The following CNKSR3 variants were observed in gnomAD, a reference collection of about 807,000 sequenced individuals.
CNKSR3 encodes connector enhancer of kinase suppressor of ras 3.
CNKSR3 carries 36 observed loss-of-function variants against 67.7 expected under a neutral mutation model. The observed-to-expected ratio is 0.53, with a 90% CI of 0.41 to 0.70. The LOEUF (loss-of-function observed/expected upper bound fraction) is 0.70. Ranked by LOEUF, CNKSR3 falls within the 30% of genes least tolerant of loss-of-function variation. The pLI is 0.00. For synonymous variants in CNKSR3, 281 were observed against 271.4 expected (o/e 1.04, Z -0.35); for missense variants, 630 against 695.2 (o/e 0.91, Z 1.05).
rs1784603628 is a variant in CNKSR3 at position 154,391,263 on chromosome 6, TCA to T, written c.*15089_*15090del. 1 of 152,234 alleles carries T rather than the reference TCA, an allele frequency of 6.6e-6. No individual in the cohort carries two copies. Among genetic ancestry groups the T allele is most frequent in the South Asian group, 2.1e-4 (1 of 4,814 alleles). The allele number at this position is 152,234 out of a possible 1,614,324, so 9.4% of individuals were successfully genotyped here. A position where few individuals can be genotyped will look rare whatever the true frequency, so the allele number is the denominator to read the frequency against. ...TTTTTTCTTTTTTTGAGACGGGGTC[TCA>T]CTCTGTCACCCAGGCTGGAGTGCAG... On this transcript the variant is annotated 3_prime_UTR_variant, in exon 13 of 13. Transcript: ENST00000607772.
At chr6:154,454,130 G>C (rs1418776997) in intron 1 of CNKSR3, among the ~76,000 whole-genome samples, 98,170 of 142,948 alleles carry the variant, frequency 0.69, 34,343 homozygotes, top group East Asian at 0.87. Context: ...GAGAGAGAGA[G>C]AGAGAGAGAG....
intron 1 of CNKSR3, among the ~76,000 whole-genome samples, chr6:154,471,369 C>G (rs989836909): frequency 6.6e-6 from 1 of 152,138 alleles, no homozygotes; most frequent in African/African-American, 2.4e-5. Context: ...GAAACCCCAT[C>G]TCTACTAAAA....
Position 154,442,279 on chromosome 6 carries a change from G to C in CNKSR3, c.228C>G (p.Leu76=). 1 of 1,613,250 alleles carries C rather than the reference G, an allele frequency of 6.2e-7. No individual in the cohort carries two copies. Among genetic ancestry groups the C allele is most frequent in the Non-Finnish European group, 8.5e-7 (1 of 1,179,254 alleles). Residue 76 remains leucine (L), a synonymous_variant, in exon 3 of 13, where the codon CTC becomes CTG. Coordinates refer to ENST00000607772, the MANE Select transcript of CNKSR3 (RefSeq NM_173515.4). ...CCAAGTTCTTCATGTTATCAGTTTC[G>C]AGGCCATAATTCTGTGGAAAATAAA... ...VDLLCALNYG[L]ETDNMKNLVL... is the part of the protein sequence containing the mutation.
rs1199336163 is a variant in CNKSR3, at chr6:154,395,180, T to C, written c.*11174A>G. On this transcript the variant is annotated 3_prime_UTR_variant, in exon 13 of 13. Coordinates refer to ENST00000607772, the MANE Select transcript of CNKSR3 (RefSeq NM_173515.4). Reference sequence around the variant, plus strand: ...AAAAGTAAGAGTTTTCTTATTTGCATGCATCAAGTATTTTCCATTGCCAAG... The same window carrying C: ...AAAAGTAAGAGTTTTCTTATTTGCACGCATCAAGTATTTTCCATTGCCAAG... The C allele has an allele frequency of 6.6e-6, 1 of 152,244 alleles. No individual in the cohort carries two copies. Among genetic ancestry groups the C allele is most frequent in the Non-Finnish European group, 1.5e-5 (1 of 68,042 alleles). The allele number at this position is 152,244 out of a possible 1,614,324, so 9.4% of individuals were successfully genotyped here. A position where few individuals can be genotyped will look rare whatever the true frequency, so the allele number is the denominator to read the frequency against.
intron 1 of CNKSR3, among the ~76,000 whole-genome samples, chr6:154,460,226 G>A (rs997008151): frequency 6.6e-5 from 10 of 152,224 alleles, no homozygotes; most frequent in African/African-American, 2.4e-4. Context: ...TAAGTCAACT[G>A]AAGAGATCAT....
chr6:154,509,941 TCAC>T, intron 1 of CNKSR3, 119 bp downstream of exon 1: 2 of 1,059,198 alleles, frequency 1.9e-6, no homozygotes, highest in Non-Finnish European at 2.9e-6. Context: ...GTTTGCATTG[TCAC>T]CGGGCTGTGC....
At chr6:154,449,294 C>T (rs1201623383) in intron 2 of CNKSR3, among the ~76,000 whole-genome samples, 1 of 152,094 alleles carries the variant, frequency 6.6e-6, no homozygotes, top group Non-Finnish European at 1.5e-5. Context: ...AAAATCAGAA[C>T]CTATTTCTCA....
At chr6:154,456,544 A>C (rs1785960369) in intron 1 of CNKSR3, among the ~76,000 whole-genome samples, 1 of 129,066 alleles carries the variant, frequency 7.7e-6, no homozygotes, top group Admixed American at 7.6e-5. Flanking sequence ...CTAAAAATAC[A>C]AAAAAAAAAA....
Position 154,406,193 on chromosome 6 carries a change from C to A in CNKSR3, c.*161G>T. On this transcript the variant is annotated 3_prime_UTR_variant, in exon 13 of 13. Coordinates refer to ENST00000607772, the MANE Select transcript of CNKSR3 (RefSeq NM_173515.4). ...TCCTCTGAATTTGTTCCCATCCAATCCTGCAAACTTCCAAGAAGGGCAGTA... is the reference window on the plus strand; with the variant it reads ...TCCTCTGAATTTGTTCCCATCCAATACTGCAAACTTCCAAGAAGGGCAGTA... The A allele has an allele frequency of 1.5e-6, 1 of 668,878 alleles. No individual in the cohort carries two copies. Among genetic ancestry groups the A allele is most frequent in the South Asian group, 2.0e-5 (1 of 50,036 alleles). 41.4% of individuals were successfully genotyped at this position (668,878 alleles called of 1,614,324 possible).
At position 154,388,031 on chromosome 6, in the gene CNKSR3, A is replaced by G. The variant is rs1784567902; in HGVS notation, c.*18323T>C. Reference sequence around the variant, plus strand: ...TTTCTTTTTTTTTTTCAGTAAGAACACAAGGTGAGATCTATCTTAACAAAT... The same window carrying G: ...TTTCTTTTTTTTTTTCAGTAAGAACGCAAGGTGAGATCTATCTTAACAAAT... On this transcript the variant is annotated 3_prime_UTR_variant, in exon 13 of 13. Coordinates refer to ENST00000607772, the MANE Select transcript of CNKSR3 (RefSeq NM_173515.4). 1.3e-5 allele frequency: 2 copies of G among 152,088 alleles called. No individual in the cohort carries two copies. The highest frequency in any genetic ancestry group is 6.5e-5 in the Admixed American group (1 of 15,288). 9.4% of individuals were successfully genotyped at this position (152,088 alleles called of 1,614,324 possible).
intron 2 of CNKSR3, among the ~76,000 whole-genome samples, chr6:154,448,560 A>G (rs1158410450): frequency 1.3e-5 from 2 of 152,138 alleles, no homozygotes; most frequent in African/African-American, 4.8e-5. Flanking sequence ...GATGGGAAAA[A>G]CAGACATCAC....
intron 7 of CNKSR3, among the ~76,000 whole-genome samples, chr6:154,426,999 G>C (rs1034347792): frequency 6.6e-6 from 1 of 152,098 alleles, no homozygotes; most frequent in Admixed American, 6.6e-5. Context: ...ACCATCCCCA[G>C]CCTAAAAGCA....
chr6:154,455,123 A>T (rs1246059985), intron 1 of CNKSR3, among the ~76,000 whole-genome samples: 1 of 151,806 alleles, frequency 6.6e-6, no homozygotes, highest in Non-Finnish European at 1.5e-5. Flanking sequence ...AGGCCTGGCC[A>T]ACATGGTGAA....
intron 1 of CNKSR3, among the ~76,000 whole-genome samples, chr6:154,498,127 C>A (rs376701745): frequency 6.6e-6 from 1 of 152,106 alleles, no homozygotes; most frequent in Non-Finnish European, 1.5e-5. Flanking sequence ...CTAAATAATA[C>A]CTGCATGGAA....
chr6:154,414,602 A>C, intron 9 of CNKSR3, 179 bp from the exon 10 acceptor site: 2 of 703,932 alleles, frequency 2.8e-6, no homozygotes, highest in Non-Finnish European at 5.2e-6. Context: ...AAACCTTAGA[A>C]TGAGCTGAGG....
intron 9 of CNKSR3, chr6:154,414,911 C>T (rs1377835626): frequency 2.3e-6 from 1 of 431,340 alleles, no homozygotes; most frequent in Non-Finnish European, 4.8e-6. Context: ...GCCTGGGCAA[C>T]ATGGCGATAC....
chr6:154,421,409 T>TG (rs1431731023), intron 9 of CNKSR3, among the ~76,000 whole-genome samples: 20 of 152,254 alleles, frequency 1.3e-4, no homozygotes, highest in African/African-American at 4.3e-4. Flanking sequence ...TTAAGACTAC[T>TG]GTTCTTCCAT....
chr6:154,438,104 A>G lies in CNKSR3; in HGVS notation c.507+3188T>C, dbSNP rs144907036. On this transcript the variant is annotated intron_variant, in intron 4 of 12. Coordinates refer to ENST00000607772, the MANE Select transcript of CNKSR3 (RefSeq NM_173515.4). ...AGCCACCGCACCTGGCCCACATGTTATATCTCATTTAATCTTCATAACAAT... is the reference window on the plus strand; with the variant it reads ...AGCCACCGCACCTGGCCCACATGTTGTATCTCATTTAATCTTCATAACAAT... 3.9e-4 allele frequency among the ~76,000 whole-genome samples: 60 copies of G among 152,236 alleles called. 1 individual carries two copies. The highest frequency in any genetic ancestry group is 1.3e-3 in the African/African-American group (56 of 41,524).
chr6:154,423,377 C>G (rs149965639), intron 7 of CNKSR3, among the ~76,000 whole-genome samples: 78 of 152,314 alleles, frequency 5.1e-4, no homozygotes, highest in African/African-American at 1.6e-3. Context: ...GGATCTCCCC[C>G]CTCAGCCTCC....
Sources: allele counts gnomAD v4.1 joint callset (sites outside exome capture counted in the v4.1 genomes callset), GRCh38; gene constraint gnomAD v4.1.1; transcripts MANE v1.5; gene names NCBI Gene and HGNC (gene_info 2026-07-23, HGNC 2026-07-21).